The following MACROD2 variants were observed in gnomAD, a reference collection of about 807,000 sequenced individuals.
The protein encoded by MACROD2 is mono-ADP ribosylhydrolase 2.
MACROD2 carries 36 observed loss-of-function variants against 70.4 expected under a neutral mutation model. That is an observed-to-expected ratio of 0.51 (90% confidence interval 0.39 to 0.68). The LOEUF (loss-of-function observed/expected upper bound fraction) is 0.68, where lower values mean the gene tolerates loss of function less well. Ranked by LOEUF, MACROD2 falls within the 30% of genes least tolerant of loss-of-function variation. MACROD2 has a pLI of 0.00. For missense variants in MACROD2, 496 were observed against 538.4 expected, an observed-to-expected ratio of 0.92 and a Z score of 0.78; for synonymous variants, 172 against 178.8, an observed-to-expected ratio of 0.96 and a Z score of 0.30.
chr20:14,932,245 G>T (rs902795567), intron 5 of MACROD2, among the ~76,000 whole-genome samples: 4 of 152,080 alleles, frequency 2.6e-5, no homozygotes, highest in Non-Finnish European at 5.9e-5. Context: ...ACAGCTGAGA[G>T]TTTCTAATTT....
rs114895341 is a variant in MACROD2, at chr20:15,003,697, C to T, written c.419-226243C>T. On this transcript the variant is annotated intron_variant, in intron 5 of 17. Coordinates refer to ENST00000684519, the MANE Select transcript of MACROD2 (RefSeq NM_001351661.2). Reference sequence around the variant, plus strand: ...ATAGTTTAAATGATAATAGGCCTTGCCCCCAAACTCAAACACTTTTATAAA... The same window carrying T: ...ATAGTTTAAATGATAATAGGCCTTGTCCCCAAACTCAAACACTTTTATAAA... 6.8e-3 allele frequency among the ~76,000 whole-genome samples: 1,040 copies of T among 152,198 alleles called. 8 individuals carry two copies. Among genetic ancestry groups the T allele is most frequent in the African/African-American group, 0.022 (931 of 41,510 alleles).
rs150147093 is a variant in MACROD2, at chr20:15,960,647, G to A, written c.908-6906G>A. 2.6e-3 allele frequency among the ~76,000 whole-genome samples: 399 copies of A among 152,242 alleles called. 1 individual carries two copies. The highest frequency in any genetic ancestry group is 8.6e-3 in the African/African-American group (359 of 41,552). On this transcript the variant is annotated intron_variant, in intron 12 of 17. Transcript: ENST00000684519. ...TACTGCTGAGGGAAACTGAGACTCC[G>A]TTCCCCTAAGAGATGTATAGAGTGC...
At chr20:14,834,672 A>T (rs1269823039) in intron 5 of MACROD2, among the ~76,000 whole-genome samples, 1 of 152,016 alleles carries the variant, frequency 6.6e-6, no homozygotes, top group Admixed American at 6.6e-5. Flanking sequence ...CAATATATCT[A>T]CCTGTGAACC....
chr20:15,658,525 G>T (rs899895826), intron 8 of MACROD2, among the ~76,000 whole-genome samples: 1 of 152,156 alleles, frequency 6.6e-6, no homozygotes, highest in African/African-American at 2.4e-5. Flanking sequence ...GGCGGTAAGA[G>T]AGAAGTGAGG....
At chr20:14,026,878 C>T (rs953253935) in intron 2 of MACROD2, among the ~76,000 whole-genome samples, 2 of 152,170 alleles carry the variant, frequency 1.3e-5, no homozygotes, top group African/African-American at 4.8e-5. Context: ...GCAGCTTTAG[C>T]AGAAGTAAAT....
At chr20:14,184,935 TG>T (rs2081333091) in intron 3 of MACROD2, among the ~76,000 whole-genome samples, 1 of 152,158 alleles carries the variant, frequency 6.6e-6, no homozygotes, top group African/African-American at 2.4e-5. Flanking sequence ...GCTGATACTA[TG>T]GGTTTTCCTA....
At chr20:15,289,576 G>T (rs1262266971) in intron 6 of MACROD2, among the ~76,000 whole-genome samples, 2 of 152,190 alleles carry the variant, frequency 1.3e-5, no homozygotes, top group African/African-American at 4.8e-5. Context: ...CAAGGAAGTG[G>T]CAGGAGATGG....
intron 12 of MACROD2, among the ~76,000 whole-genome samples, chr20:15,962,482 A>G (rs2066077071): frequency 6.6e-6 from 1 of 152,236 alleles, no homozygotes; most frequent in Admixed American, 6.5e-5. Flanking sequence ...AACAACTTGC[A>G]GAAGAATATC....
At position 14,254,831 on chromosome 20, in the gene MACROD2, C is replaced by G. The variant is rs934979333; in HGVS notation, c.271+169103C>G. ...GCTCGTTAGTTGATGCAGTTTCTTC[C>G]TAGCCTCGATGGTCTTTACAATTTG... On this transcript the variant is annotated intron_variant, in intron 3 of 17. Coordinates refer to ENST00000684519, the MANE Select transcript of MACROD2 (RefSeq NM_001351661.2). 3.1e-4 allele frequency among the ~76,000 whole-genome samples: 47 copies of G among 152,166 alleles called. 1 individual carries two copies. The highest frequency in any genetic ancestry group is 1.1e-3 in the African/African-American group (45 of 41,518).
At chr20:14,313,220 T>G (rs2082581859) in intron 3 of MACROD2, among the ~76,000 whole-genome samples, 2 of 152,180 alleles carry the variant, frequency 1.3e-5, no homozygotes, top group African/African-American at 2.4e-5. Context: ...AACCCTCTAG[T>G]TTTTATCATT....
intron 8 of MACROD2, among the ~76,000 whole-genome samples, chr20:15,689,785 C>T (rs1026269237): frequency 6.6e-6 from 1 of 152,086 alleles, no homozygotes; most frequent in Non-Finnish European, 1.5e-5. Flanking sequence ...AACACTTTCT[C>T]CAAAAGGAGA....
At chr20:15,508,029 C>T (rs1024033887) in intron 8 of MACROD2, among the ~76,000 whole-genome samples, 2 of 152,162 alleles carry the variant, frequency 1.3e-5, no homozygotes, top group Non-Finnish European at 1.5e-5. Flanking sequence ...GTGGGGAGCT[C>T]ATCAAAGTTC....
chr20:14,276,814 T>C (rs540959123), intron 3 of MACROD2, among the ~76,000 whole-genome samples: 1 of 152,278 alleles, frequency 6.6e-6, no homozygotes, highest in South Asian at 2.1e-4. Context: ...CTGTTGGTTT[T>C]TCCATTAGTG....
At chr20:16,004,766 G>A (rs952060055) in intron 15 of MACROD2, among the ~76,000 whole-genome samples, 1 of 152,192 alleles carries the variant, frequency 6.6e-6, no homozygotes, top group Non-Finnish European at 1.5e-5. Flanking sequence ...GCACGAGTGC[G>A]AGCCATGGCT....
In MACROD2 at chr20:14,582,941, C is replaced by G. The variant is rs539887846; in HGVS notation, c.301+89433C>G. On this transcript the variant is annotated intron_variant, in intron 4 of 17. Transcript: ENST00000684519. ...CAAGTGAAATTGTGGCAAAAATCCT[C>G]TGCACTCTTGATCTTTTCTCTCCGT... Among the ~76,000 whole-genome samples the G allele has an allele frequency of 3.9e-5, 6 of 152,266 alleles. No individual in the cohort carries two copies. The South Asian group carries it at 1.0e-3, about 26-fold the overall frequency.
chr20:14,527,290 T>C (rs1329935516), intron 4 of MACROD2, among the ~76,000 whole-genome samples: 4 of 152,136 alleles, frequency 2.6e-5, no homozygotes, highest in Admixed American at 2.6e-4. Flanking sequence ...AGGCACACGA[T>C]GGGGGTGTGG....
At chr20:15,117,549 A>G (rs1601096561) in intron 5 of MACROD2, among the ~76,000 whole-genome samples, 2 of 152,112 alleles carry the variant, frequency 1.3e-5, no homozygotes, top group African/African-American at 4.8e-5. Flanking sequence ...TTTTTGTCAC[A>G]TTGTTTCTTC....
chr20:14,097,166 G>C (rs1347274853), intron 3 of MACROD2, among the ~76,000 whole-genome samples: 1 of 152,172 alleles, frequency 6.6e-6, no homozygotes, highest in Non-Finnish European at 1.5e-5. Flanking sequence ...TAATGTAGCT[G>C]CATATAGGAT....
intron 8 of MACROD2, among the ~76,000 whole-genome samples, chr20:15,572,693 A>T (rs1389311068): frequency 1.3e-5 from 2 of 152,094 alleles, no homozygotes; most frequent in African/African-American, 4.8e-5. Context: ...TTTCGCATGA[A>T]TGCATGAGAA....
Sources: allele counts gnomAD v4.1 joint callset (sites outside exome capture counted in the v4.1 genomes callset), GRCh38; gene constraint gnomAD v4.1.1; transcripts MANE v1.5; gene names NCBI Gene and HGNC (gene_info 2026-07-23, HGNC 2026-07-21).